The following HAPLN2 variants were observed in gnomAD, a reference collection of about 807,000 sequenced individuals.
HAPLN2 encodes brain link protein-1.
In HAPLN2, 27 loss-of-function variants were observed where a neutral mutation model predicts 29.3. The observed-to-expected ratio is 0.92, with a 90% CI of 0.68 to 1.27. HAPLN2 has a LOEUF of 1.27. HAPLN2 is among the 50% of genes most tolerant of loss of function. The pLI, the probability that HAPLN2 is intolerant of heterozygous loss-of-function variation, is 0.00. For synonymous variants in HAPLN2, 208 were observed against 211.7 expected, an observed-to-expected ratio of 0.98 and a Z score of 0.15; for missense variants, 454 against 484.3, an observed-to-expected ratio of 0.94 and a Z score of 0.59.
At chr1:156,614,897 A>G (rs1439183883), upstream of HAPLN2, 1 of 152,188 alleles carries the variant, frequency 6.6e-6, no homozygotes, top group Non-Finnish European at 1.5e-5. Flanking sequence ...ACATCTTGGT[A>G]ACTTTGCAAA....
chr1:156,603,761 C>T, the HAPLN2 span, among the ~76,000 whole-genome samples: 1 of 152,104 alleles, frequency 6.6e-6, no homozygotes, highest in African/African-American at 2.4e-5. Flanking sequence ...TTAAAGGTCT[C>T]CTATATACTA....
chr1:156,616,588 A>G (rs1264043325), upstream of HAPLN2, among the ~76,000 whole-genome samples: 3 of 152,174 alleles, frequency 2.0e-5, no homozygotes, highest in Admixed American at 2.0e-4. Flanking sequence ...CTGTGGAGCC[A>G]TTTATATCTA....
chr1:156,608,093 A>G, the HAPLN2 span, among the ~76,000 whole-genome samples: 1 of 152,212 alleles, frequency 6.6e-6, no homozygotes, highest in African/African-American at 2.4e-5. Context: ...AATAATTTTC[A>G]CACGGTGGTT....
rs1225554775 is a variant in HAPLN2 at position 156,625,237 on chromosome 1, C to CGGCT, written c.886_889dup (p.Asp297GlyfsTer2). The stretch of plus-strand genomic sequence containing the variant: ...TTTCGGGGCTAGACCAGTGCGACGG[C>CGGCT]GGCTGGCTGGCTGACGGCAGTGTGC... On this transcript the variant is annotated frameshift_variant, in exon 7 of 7. Transcript: ENST00000255039. LOFTEE classifies it low-confidence loss of function (END_TRUNC). This position sits in a 1 kb window ranked among gnomAD's most constrained non-coding sequence, Gnocchi z 5.7. 2 of 1,572,568 alleles carry CGGCT rather than the reference C, an allele frequency of 1.3e-6. No individual in the cohort carries two copies. The highest frequency in any genetic ancestry group is 1.8e-5 in the Admixed American group (1 of 54,396).
chr1:156,624,678 C>G lies in HAPLN2; in HGVS notation c.634C>G (p.Arg212Gly). Residue 212 changes from arginine to glycine, a missense_variant, in exon 6 of 7, where the codon CGC (arginine) becomes GGC (glycine). By Grantham distance (125) the Arg-to-Gly change is moderately radical (BLOSUM62 -2). This residue lies in a region of HAPLN2 where 235 missense variants were observed against 236.9 expected (regional missense o/e 0.99). Coordinates refer to ENST00000255039, the MANE Select transcript of HAPLN2 (RefSeq NM_021817.3). The part of the protein sequence containing the change: ...GSVRYPVLTA[R>G]APCGGRGRPG... Reference sequence around the variant, plus strand: ...CGTGCGCTACCCTGTGCTCACCGCACGCGCCCCGTGCGGCGGCCGAGGCCG... The same window carrying G: ...CGTGCGCTACCCTGTGCTCACCGCAGGCGCCCCGTGCGGCGGCCGAGGCCG... The G allele has an allele frequency of 1.2e-6, 2 of 1,605,456 alleles. No homozygotes were observed. The highest frequency in any genetic ancestry group is 1.1e-5 in the South Asian group (1 of 90,528).
chr1:156,614,933 T>C (rs1443106674), upstream of HAPLN2: 1 of 152,222 alleles, frequency 6.6e-6, no homozygotes, highest in Non-Finnish European at 1.5e-5. Flanking sequence ...TGCCTTTTAC[T>C]GTTCCTTGTG....
At chr1:156,602,548 CCAAAAAAAAAAAA>C in the HAPLN2 span, among the ~76,000 whole-genome samples, 1 of 9,234 alleles carries the variant, frequency 1.1e-4, no homozygotes, top group African/African-American at 2.3e-4. Context: ...ACTAAAAATA[CCAAAAAAAAAAAA>C]AAAAAAAAAA....
intron 2 of HAPLN2, among the ~76,000 whole-genome samples, chr1:156,622,342 T>C (rs1383887961): frequency 6.6e-6 from 1 of 151,970 alleles, no homozygotes; most frequent in Non-Finnish European, 1.5e-5. Context: ...TAGTCCCAGC[T>C]ACTCAGGAGG....
At chr1:156,610,694 G>A in the HAPLN2 span, among the ~76,000 whole-genome samples, 6 of 151,764 alleles carry the variant, frequency 4.0e-5, no homozygotes, top group Admixed American at 2.0e-4. Flanking sequence ...TGTATATCAT[G>A]ATCTCAGGTT....
At chr1:156,612,564 G>T in the HAPLN2 span, among the ~76,000 whole-genome samples, 1 of 152,130 alleles carries the variant, frequency 6.6e-6, no homozygotes. Flanking sequence ...CCTGTTTCTT[G>T]CTTCTGTTAA....
chr1:156,621,858 C>T (rs1362865047), intron 2 of HAPLN2, among the ~76,000 whole-genome samples: 1 of 150,540 alleles, frequency 6.6e-6, no homozygotes, highest in African/African-American at 2.4e-5. Context: ...GACCCTGTAT[C>T]TGATTAAAAA....
Position 156,624,218 on chromosome 1 carries a change from G to C in HAPLN2, c.439+58G>C. 3.2e-6 allele frequency: 5 copies of C among 1,543,464 alleles called. No homozygotes were observed. In the South Asian group the frequency reaches 6.2e-5, roughly 19 times the overall value. On this transcript the variant is annotated intron_variant, in intron 4 of 6. Coordinates refer to ENST00000255039, the MANE Select transcript of HAPLN2 (RefSeq NM_021817.3). Reference sequence around the variant, plus strand: ...GTAGCAGCGGGTCCGCCTCGCCTGGGTCTCCCAGGGCTCCTTCCCAGTATC... The same window carrying C: ...GTAGCAGCGGGTCCGCCTCGCCTGGCTCTCCCAGGGCTCCTTCCCAGTATC...
chr1:156,608,608 T>C, the HAPLN2 span, among the ~76,000 whole-genome samples: 2 of 152,098 alleles, frequency 1.3e-5, no homozygotes, highest in South Asian at 4.2e-4. Flanking sequence ...AGTGACATGA[T>C]CTTAGCTCAC....
the HAPLN2 span, among the ~76,000 whole-genome samples, chr1:156,604,866 T>C: frequency 6.6e-6 from 1 of 150,740 alleles, no homozygotes; most frequent in Non-Finnish European, 1.5e-5. Context: ...ATGACAATAC[T>C]CTCCAAATTG....
chr1:156,610,746 T>C, the HAPLN2 span, among the ~76,000 whole-genome samples: 4 of 152,310 alleles, frequency 2.6e-5, no homozygotes, highest in African/African-American at 9.6e-5. Flanking sequence ...TCTACCTTCC[T>C]GTAGATTCTT....
At chr1:156,624,814 G>T in intron 6 of HAPLN2, 31 bp downstream of exon 6, 1 of 1,463,090 alleles carries the variant, frequency 6.8e-7, no homozygotes, top group Non-Finnish European at 9.0e-7. Context: ...AGGGTCTTGG[G>T]GAGGGGTCTG....
the HAPLN2 span, among the ~76,000 whole-genome samples, chr1:156,612,610 C>T: frequency 1.3e-5 from 2 of 152,194 alleles, no homozygotes; most frequent in Non-Finnish European, 2.9e-5. Context: ...ATGGGTGAAC[C>T]TAAAGTCTCT....
chr1:156,608,574 A>G, the HAPLN2 span, among the ~76,000 whole-genome samples: 5 of 149,502 alleles, frequency 3.3e-5, no homozygotes, highest in African/African-American at 1.2e-4. Flanking sequence ...ACAGAGTCGC[A>G]CTCTGTCACC....
chr1:156,618,634 C>T (rs1211221053), upstream of HAPLN2, among the ~76,000 whole-genome samples: 1 of 150,946 alleles, frequency 6.6e-6, no homozygotes, highest in East Asian at 2.0e-4. Context: ...AAAAAATTAG[C>T]CGGGTGTGGT....
Sources: gnomAD v4.1 joint callset for allele counts (sites outside exome capture counted in the v4.1 genomes callset) on GRCh38, gnomAD v4.1.1 for gene constraint, gnomAD v4.1.1 regional missense constraint, Gnocchi (gnomAD v3.1) non-coding constraint, MANE v1.5 for transcripts, NCBI Gene and HGNC (gene_info 2026-07-23, HGNC 2026-07-21) for gene names.